The following CIMAP2 variants were observed in gnomAD, a reference collection of about 807,000 sequenced individuals.
CIMAP2 encodes the protein ciliary microtubule associated protein 2, also known as ciliary microtubule-associated protein 2.
the CIMAP2 span, chr1:54,817,079 T>A: frequency 6.2e-7 from 1 of 1,614,150 alleles, no homozygotes; most frequent in Non-Finnish European, 8.5e-7. Context: ...CCTGAGTGGA[T>A]CCAAACGCTA....
chr1:54,815,144 A>G, the CIMAP2 span: 6 of 1,479,968 alleles, frequency 4.1e-6, no homozygotes, highest in East Asian at 2.3e-5. Context: ...AGTGAGCCAT[A>G]TGCCTCCCCT....
chr1:54,841,835 C>A, the CIMAP2 span: 14 of 1,555,312 alleles, frequency 9.0e-6, no homozygotes, highest in East Asian at 2.4e-5. Context: ...GGGAAAGTGC[C>A]CTCCAACTGT....
chr1:54,828,938 T>A, the CIMAP2 span, among the ~76,000 whole-genome samples: 2 of 152,212 alleles, frequency 1.3e-5, no homozygotes, highest in Non-Finnish European at 2.9e-5. Flanking sequence ...AAATTGATTA[T>A]AAGCTTCATC....
At chr1:54,811,765 G>GCGGGGGGGGGCCCCCCCCCCC in the CIMAP2 span, 4 of 1,301,328 alleles carry the variant, frequency 3.1e-6, no homozygotes, top group Non-Finnish European at 3.3e-6. Flanking sequence ...GGTTCTGACA[G>GCGGGGGGGGGCCCCCCCCCCC]CCTCCATGCC....
chr1:54,811,952 G>T, the CIMAP2 span: 1 of 1,614,106 alleles, frequency 6.2e-7, no homozygotes, highest in Admixed American at 1.7e-5. Context: ...GGCTGGCCAG[G>T]CCTTGCCTGC....
chr1:54,823,919 G>A, the CIMAP2 span, among the ~76,000 whole-genome samples: 1 of 152,234 alleles, frequency 6.6e-6, no homozygotes, highest in East Asian at 1.9e-4. Context: ...TTTGCTGGGT[G>A]TAGTATTTGT....
the CIMAP2 span, among the ~76,000 whole-genome samples, chr1:54,832,384 G>A: frequency 6.6e-5 from 10 of 152,050 alleles, no homozygotes; most frequent in Non-Finnish European, 1.5e-4. Flanking sequence ...ACCCTACATA[G>A]GAATTTTTAG....
the CIMAP2 span, among the ~76,000 whole-genome samples, chr1:54,828,749 A>G: frequency 2.0e-5 from 3 of 152,340 alleles, no homozygotes; most frequent in Non-Finnish European, 4.4e-5. Context: ...TAAACTTAAT[A>G]TGGTGTATTT....
the CIMAP2 span, among the ~76,000 whole-genome samples, chr1:54,821,464 G>T: frequency 6.6e-6 from 1 of 151,978 alleles, no homozygotes; most frequent in African/African-American, 2.4e-5. Flanking sequence ...ACCATTTATT[G>T]CATGGTGTTA....
At chr1:54,813,713 A>T in the CIMAP2 span, 1 of 1,321,474 alleles carries the variant, frequency 7.6e-7, no homozygotes, top group Non-Finnish European at 1.0e-6. Flanking sequence ...GCAGGATAGT[A>T]AGTGATGCCC....
chr1:54,835,636 T>C, the CIMAP2 span, among the ~76,000 whole-genome samples: 33,045 of 152,064 alleles, frequency 0.22, 4,968 homozygotes, highest in African/African-American at 0.41. Context: ...TTGATGCATA[T>C]ATTTCTCAAA....
chr1:54,808,613 G>GGGGGC, the CIMAP2 span, among the ~76,000 whole-genome samples: 31 of 73,364 alleles, frequency 4.2e-4, 7 homozygotes, highest in Non-Finnish European at 6.9e-4. Context: ...AGGTGCTGCC[G>GGGGGC]GGGGAGGGCA....
chr1:54,811,794 AACT>A, the CIMAP2 span: 1 of 334,450 alleles, frequency 3.0e-6, no homozygotes, highest in South Asian at 2.3e-5. Context: ...CGCCCCACAG[AACT>A]ACTATCCAGG....
chr1:54,818,689 A>G, the CIMAP2 span, among the ~76,000 whole-genome samples: 3 of 152,006 alleles, frequency 2.0e-5, no homozygotes, highest in South Asian at 6.2e-4. Context: ...CCTCCCAGGC[A>G]CAAGCGATCC....
the CIMAP2 span, among the ~76,000 whole-genome samples, chr1:54,828,364 G>C: frequency 6.6e-6 from 1 of 152,122 alleles, no homozygotes; most frequent in Non-Finnish European, 1.5e-5. Context: ...GCCATCCAGG[G>C]CGGGGGTGCC....
the CIMAP2 span, among the ~76,000 whole-genome samples, chr1:54,830,116 T>C: frequency 2.6e-5 from 4 of 152,360 alleles, no homozygotes; most frequent in South Asian, 8.3e-4. The surrounding 1 kb of genome is among the most constrained non-coding windows in gnomAD (Gnocchi z 4.1). Context: ...GGTTGTAAGC[T>C]TGGCTGTCCA....
the CIMAP2 span, chr1:54,807,746 T>C: frequency 6.5e-7 from 1 of 1,535,610 alleles, no homozygotes; most frequent in Admixed American, 2.1e-5. Flanking sequence ...TCCTGTCCAT[T>C]GCAGCTGCTC....
At chr1:54,818,386 T>C in the CIMAP2 span, among the ~76,000 whole-genome samples, 91,371 of 149,970 alleles carry the variant, frequency 0.61, 28,311 homozygotes, top group South Asian at 0.75. Flanking sequence ...TTTTTTTTTC[T>C]CTCTCTCTCT....
chr1:54,814,524 C>T, the CIMAP2 span, among the ~76,000 whole-genome samples: 5 of 152,212 alleles, frequency 3.3e-5, no homozygotes, highest in Admixed American at 2.0e-4. Flanking sequence ...TAAAGGAAAC[C>T]GAAGCCCAGA....
Sources: allele counts gnomAD v4.1 joint callset (sites outside exome capture counted in the v4.1 genomes callset), GRCh38; gene constraint gnomAD v4.1.1; non-coding constraint Gnocchi (gnomAD v3.1); transcripts MANE v1.5; gene names NCBI Gene and HGNC (gene_info 2026-07-23, HGNC 2026-07-21).